DLC1: variants seen among roughly 807,000 people sequenced by gnomAD.
DLC1 encodes rho GTPase-activating protein 7.
A neutral mutation model predicts 140.3 loss-of-function variants in DLC1; 54 were observed. That is an observed-to-expected ratio of 0.38 (90% CI 0.31 to 0.48). The LOEUF is 0.48. Ranked by LOEUF, DLC1 falls within the 20% of genes least tolerant of loss-of-function variation. The pLI is 0.96. For synonymous variants in DLC1, 986 were observed against 728.1 expected, an observed-to-expected ratio of 1.35 and a Z score of -5.70; for missense variants, 2,536 against 1,907.0, an observed-to-expected ratio of 1.33 and a Z score of -6.14.
intron 5 of DLC1, among the ~76,000 whole-genome samples, chr8:13,127,200 T>C (rs1390915583): frequency 6.6e-6 from 1 of 152,232 alleles, no homozygotes; most frequent in Non-Finnish European, 1.5e-5. Flanking sequence ...TGAACACTAA[T>C]GAATGAACAG....
At chr8:13,090,156 T>C (rs1817921856) in intron 15 of DLC1, 96 bp downstream of exon 15, 1 of 1,206,014 alleles carries the variant, frequency 8.3e-7, no homozygotes, top group Non-Finnish European at 1.2e-6. Context: ...GGGCTACAGA[T>C]CCCCAGACAG....
chr8:13,567,488 G>A (rs1454956176), intron 1 of DLC1: 2 of 1,552,088 alleles, frequency 1.3e-6, no homozygotes, highest in African/African-American at 1.4e-5. Flanking sequence ...GCCTTTAGTT[G>A]TACTGTACCC....
intron 5 of DLC1, among the ~76,000 whole-genome samples, chr8:13,291,890 G>C (rs539228006): frequency 3.2e-4 from 49 of 152,136 alleles, no homozygotes; most frequent in Non-Finnish European, 4.7e-4. Context: ...ACGAAGCAAA[G>C]GTTTTCCAGA....
chr8:13,501,482 C>T (rs921621750), intron 1 of DLC1, among the ~76,000 whole-genome samples: 2 of 152,176 alleles, frequency 1.3e-5, no homozygotes, highest in African/African-American at 4.8e-5. Flanking sequence ...CAGCACACAA[C>T]ATGGGTTGAG....
At chr8:13,133,014 G>A in intron 5 of DLC1, 17 of 1,603,204 alleles carry the variant, frequency 1.1e-5, no homozygotes, top group Non-Finnish European at 1.4e-5. Flanking sequence ...AGCGCTGTGG[G>A]GAAGTCGAGG....
chr8:13,413,881 A>G (rs1192313600), intron 2 of DLC1, among the ~76,000 whole-genome samples: 1 of 152,164 alleles, frequency 6.6e-6, no homozygotes, highest in Non-Finnish European at 1.5e-5. Context: ...TCTGTATAGC[A>G]ATGTGAGAAC....
intron 5 of DLC1, among the ~76,000 whole-genome samples, chr8:13,296,894 A>T (rs193047517): frequency 2.0e-3 from 291 of 146,306 alleles, no homozygotes; most frequent in South Asian, 5.2e-3. Flanking sequence ...TTAAAAGAGA[A>T]ATTGTCATCT....
At chr8:13,399,854 G>C (rs1170516197) in intron 3 of DLC1, among the ~76,000 whole-genome samples, 1 of 152,092 alleles carries the variant, frequency 6.6e-6, no homozygotes, top group African/African-American at 2.4e-5. Context: ...CTGGGGTGGG[G>C]TAGGGGGGCG....
chr8:13,137,249 G>A (rs185123829), intron 5 of DLC1, among the ~76,000 whole-genome samples: 1 of 152,078 alleles, frequency 6.6e-6, no homozygotes, highest in African/African-American at 2.4e-5. Flanking sequence ...ATCACTCAAG[G>A]TTTCATCTGT....
chr8:13,599,482 T>C (rs1425272710), intron 1 of DLC1, among the ~76,000 whole-genome samples: 1 of 151,946 alleles, frequency 6.6e-6, no homozygotes, highest in Admixed American at 6.6e-5. Context: ...ATATTCCAGA[T>C]GAATAAAAAG....
chr8:13,454,906 G>T (rs1799317996), intron 2 of DLC1, among the ~76,000 whole-genome samples: 1 of 152,082 alleles, frequency 6.6e-6, no homozygotes, highest in Non-Finnish European at 1.5e-5. Flanking sequence ...TTGTTGTGGG[G>T]TATATAGGTG....
intron 2 of DLC1, among the ~76,000 whole-genome samples, chr8:13,406,110 G>A (rs1280047644): frequency 2.7e-5 from 4 of 146,040 alleles, no homozygotes; most frequent in South Asian, 2.2e-4. Context: ...AGGTTCAAGC[G>A]ATTCTCCTGC....
At chr8:13,110,335 A>C (rs755993885) in intron 7 of DLC1, among the ~76,000 whole-genome samples, 2 of 152,174 alleles carry the variant, frequency 1.3e-5, no homozygotes, top group African/African-American at 2.4e-5. Context: ...GGGGAAACTG[A>C]AGAGGTTGAG....
chr8:13,379,057 A>G (rs1836131814), intron 4 of DLC1, among the ~76,000 whole-genome samples: 1 of 152,352 alleles, frequency 6.6e-6, no homozygotes, highest in Admixed American at 6.5e-5. Flanking sequence ...TGATGATAAC[A>G]TTTTAATGAA....
intron 1 of DLC1, among the ~76,000 whole-genome samples, chr8:13,504,820 C>T (rs555859458): frequency 6.6e-6 from 1 of 151,548 alleles, no homozygotes; most frequent in Non-Finnish European, 1.5e-5. Flanking sequence ...GATAGCTAAC[C>T]CCAAATTAAA....
At chr8:13,566,953 T>C in intron 1 of DLC1, 5 of 1,500,750 alleles carry the variant, frequency 3.3e-6, no homozygotes, top group Non-Finnish European at 4.5e-6. Context: ...AGTCTTAACC[T>C]GGGCAAAGGA....
chr8:13,154,237 C>G (rs1472311960), intron 5 of DLC1, among the ~76,000 whole-genome samples: 1 of 152,246 alleles, frequency 6.6e-6, no homozygotes, highest in Non-Finnish European at 1.5e-5. Flanking sequence ...CTCGGGTGGT[C>G]ACCATGGAGC....
intron 5 of DLC1, among the ~76,000 whole-genome samples, chr8:13,194,729 T>C (rs776696664): frequency 6.6e-6 from 1 of 152,202 alleles, no homozygotes; most frequent in Non-Finnish European, 1.5e-5. Flanking sequence ...GAAAGCAGGC[T>C]GGGCATGGAG....
intron 5 of DLC1, among the ~76,000 whole-genome samples, chr8:13,290,672 GA>G (rs935275545): frequency 2.0e-5 from 3 of 152,122 alleles, no homozygotes; most frequent in Non-Finnish European, 2.9e-5. Flanking sequence ...GTGTTTGGGG[GA>G]AAAGTGCCAA....
Sources: allele counts gnomAD v4.1 joint callset (sites outside exome capture counted in the v4.1 genomes callset), GRCh38; gene constraint gnomAD v4.1.1; transcripts MANE v1.5; gene names NCBI Gene and HGNC (gene_info 2026-07-23, HGNC 2026-07-21).